The following CD8A variants were observed in gnomAD, a reference collection of about 807,000 sequenced individuals.
CD8A encodes T-cell surface glycoprotein CD8 alpha chain.
Under a neutral mutation model 24.2 loss-of-function variants are expected in CD8A, and 25 were observed. The ratio of observed to expected loss-of-function variants is 1.03; its 90% CI spans 0.75 to 1.44. The LOEUF (loss-of-function observed/expected upper bound fraction) is 1.44. Among genes scored for constraint, CD8A ranks in the 40% most tolerant of loss-of-function variants. CD8A has a pLI of 0.00. For missense variants in CD8A, 360 were observed against 319.7 expected, an observed-to-expected ratio of 1.13 and a Z score of -0.96; for synonymous variants, 165 against 149.9, an observed-to-expected ratio of 1.10 and a Z score of -0.74.
chr2:86,790,711 C>T (rs2944247), intron 1 of CD8A, 30 bp from the exon 2 acceptor site: 4 of 1,557,832 alleles, frequency 2.6e-6, no homozygotes, highest in Non-Finnish European at 3.5e-6. Flanking sequence ...AGGCTGAGCC[C>T]GCAGTCCCGC....
rs1361948225 is a variant in CD8A at position 86,785,020 on chromosome 2, C to T, written c.*900G>A. 1 of 454,066 alleles carries T rather than the reference C, an allele frequency of 2.2e-6. No homozygotes were observed. Among genetic ancestry groups the T allele is most frequent in the Admixed American group, 2.3e-5 (1 of 42,566 alleles). The allele number at this position is 454,066 out of a possible 1,614,324, so 28.1% of individuals were successfully genotyped here. The stretch of plus-strand genomic sequence containing the variant: ...AAGTATAAAAAGTCATCAGTGATCC[C>T]AGGAACATGTTTGTATCTCAAATTC... On this transcript the variant is annotated 3_prime_UTR_variant, in exon 6 of 6. Coordinates refer to ENST00000283635, the MANE Select transcript of CD8A (RefSeq NM_001768.7).
At chr2:86,805,996 A>G (rs1673841570) in intron 2 of CD8A, among the ~76,000 whole-genome samples, 1 of 151,418 alleles carries the variant, frequency 6.6e-6, no homozygotes, top group Admixed American at 6.6e-5. Context: ...TGTGTATGTG[A>G]CAATTTGTTA....
chr2:86,797,197 A>C (rs1673510688), intron 3 of CD8A, among the ~76,000 whole-genome samples: 1 of 152,166 alleles, frequency 6.6e-6, no homozygotes, highest in South Asian at 2.1e-4. Flanking sequence ...AGTTCAGAAG[A>C]GGGGTCAGGG....
intron 2 of CD8A, among the ~76,000 whole-genome samples, chr2:86,805,023 G>A (rs552516677): frequency 1.3e-5 from 2 of 151,596 alleles, no homozygotes; most frequent in Non-Finnish European, 2.9e-5. Context: ...GACTGGTCTC[G>A]AACTCCTGAC....
Position 86,789,683 on chromosome 2 carries a change from C to T in CD8A, c.471G>A (p.Leu157=). The change falls in exon 3 of 6, where the codon CTG becomes CTA. Residue 157 remains leucine, a synonymous_variant. Coordinates refer to ENST00000283635, the MANE Select transcript of CD8A (RefSeq NM_001768.7). ...TPAPTIASQP[L]SLRPEACRPA... ...GCCGGCACGCCTCTGGGCGCAGGGA[C>T]AGGGGCTGCGACGCGATGGTGGGCG... 1 of 1,439,250 alleles carries T rather than the reference C, an allele frequency of 6.9e-7. No individual in the cohort carries two copies. Among genetic ancestry groups the T allele is most frequent in the Non-Finnish European group, 9.1e-7 (1 of 1,102,304 alleles). 89.2% of individuals were successfully genotyped at this position (1,439,250 alleles called of 1,614,324 possible). A position where few individuals can be genotyped will look rare whatever the true frequency, so the allele number is the denominator to read the frequency against.
At chr2:86,787,576 T>C (rs1214922051) in intron 5 of CD8A, among the ~76,000 whole-genome samples, 1 of 152,128 alleles carries the variant, frequency 6.6e-6, no homozygotes, top group East Asian at 1.9e-4. Flanking sequence ...TTTCCTTATC[T>C]GTAAAATGCA....
chr2:86,798,490 T>C (rs921251305), intron 3 of CD8A, among the ~76,000 whole-genome samples: 7 of 151,980 alleles, frequency 4.6e-5, no homozygotes, highest in Non-Finnish European at 7.4e-5. Context: ...CACAACTTTC[T>C]TATGCTTCCC....
At position 86,785,326 on chromosome 2, in the gene CD8A, A is replaced by C. The variant is rs1268156998; in HGVS notation, c.*594T>G. On this transcript the variant is annotated 3_prime_UTR_variant, in exon 6 of 6. Transcript: ENST00000283635. ...TACATTATAGAACTCTGCCAAAGGC[A>C]GTTCTCTTCTTTAATTCATTACCTC... is the stretch of plus-strand genomic sequence containing the variant. The C allele has an allele frequency of 4.4e-6, 2 of 453,924 alleles. No homozygotes were observed. The highest frequency in any genetic ancestry group is 8.8e-6 in the Non-Finnish European group (2 of 226,824). 28.1% of individuals were successfully genotyped at this position (453,924 alleles called of 1,614,324 possible).
At chr2:86,791,440 G>C (rs551918289), upstream of CD8A, 26 of 443,948 alleles carry the variant, frequency 5.9e-5, no homozygotes, top group African/African-American at 3.4e-4. Flanking sequence ...AGCAGCCGAA[G>C]CTTTGGGTGT....
rs1467441165 is a variant in CD8A, at chr2:86,790,532, G to T, written c.199C>A (p.Pro67Thr). Residue 67 changes from proline to threonine, a missense_variant, in exon 2 of 6, where the codon CCC (proline) becomes ACC (threonine). Physicochemically the swap from Pro to Thr is conservative, Grantham distance 38. Transcript: ENST00000283635. ...LFQPRGAAAS[P>T]TFLLYLSQNK... ...TGGGAGAGGTATAGGAGGAAGGTGGGACTGGCGGCGGCGCCGCGCGGCTGG... is the reference window on the plus strand; with the variant it reads ...TGGGAGAGGTATAGGAGGAAGGTGGTACTGGCGGCGGCGCCGCGCGGCTGG... 1 of 1,613,650 alleles carries T rather than the reference G, an allele frequency of 6.2e-7. No homozygotes were observed. Among genetic ancestry groups the T allele is most frequent in the African/African-American group, 1.3e-5 (1 of 74,952 alleles).
At chr2:86,796,058 C>T (rs1673473393) in intron 3 of CD8A, among the ~76,000 whole-genome samples, 1 of 152,136 alleles carries the variant, frequency 6.6e-6, no homozygotes, top group African/African-American at 2.4e-5. Context: ...ATGATAAATA[C>T]TGAGCATACT....
rs1461062548 is a variant in CD8A, at chr2:86,785,690, TGTG to T, written c.*227_*229del. 5 of 696,572 alleles carry T rather than the reference TGTG, an allele frequency of 7.2e-6. No homozygotes were observed. The highest frequency in any genetic ancestry group is 3.5e-5 in the African/African-American group (2 of 57,138). The allele number at this position is 696,572 out of a possible 1,614,324, so 43.1% of individuals were successfully genotyped here. A position where few individuals can be genotyped will look rare whatever the true frequency, so the allele number is the denominator to read the frequency against. On this transcript the variant is annotated 3_prime_UTR_variant, in exon 6 of 6. Coordinates refer to ENST00000283635, the MANE Select transcript of CD8A (RefSeq NM_001768.7). Reference sequence around the variant, plus strand: ...TGCCCCTTTCCACGCCCTACCGCGATGTGCGCACAACAGTATTGTGACCCTTGT... The same window carrying T: ...TGCCCCTTTCCACGCCCTACCGCGATCGCACAACAGTATTGTGACCCTTGT...
chr2:86,791,165 A>G, upstream of CD8A: 2 of 558,574 alleles, frequency 3.6e-6, no homozygotes, highest in Non-Finnish European at 6.7e-6. Flanking sequence ...TGAGAGTGAC[A>G]GAGTGGGTGA....
upstream of CD8A, among the ~76,000 whole-genome samples, chr2:86,792,797 T>C (rs1216725115): frequency 6.6e-6 from 1 of 150,544 alleles, no homozygotes; most frequent in Admixed American, 6.6e-5. Flanking sequence ...TATCAGGGCC[T>C]GGATGGGCTT....
chr2:86,790,236 A>G, intron 2 of CD8A, 92 bp downstream of exon 2: 1 of 934,096 alleles, frequency 1.1e-6, no homozygotes. Flanking sequence ...CAGGTGCGCT[A>G]AGAGGCTTGA....
chr2:86,788,393 C>T (rs980487209), intron 5 of CD8A, 137 bp downstream of exon 5: 2 of 747,538 alleles, frequency 2.7e-6, no homozygotes, highest in African/African-American at 3.5e-5. Context: ...TGCTCAGGAA[C>T]TGGCTGACTC....
In CD8A at chr2:86,788,513, G is replaced by T; in HGVS notation, c.656+17C>A. ...GGGCTGGCCAAGGTGAGCAGGCTGA[G>T]TTCAAAAGAGACTCACCGGGGACAT... is the stretch of plus-strand genomic sequence containing the variant. On this transcript the variant is annotated intron_variant, in intron 5 of 5. Transcript: ENST00000283635. The T allele has an allele frequency of 6.2e-7, 1 of 1,610,530 alleles. No individual in the cohort carries two copies.
chr2:86,806,968 C>A (rs1164093801), intron 2 of CD8A, among the ~76,000 whole-genome samples: 1 of 151,646 alleles, frequency 6.6e-6, no homozygotes, highest in Non-Finnish European at 1.5e-5. Flanking sequence ...GAGAAATGAG[C>A]CTTTTTAAGA....
At chr2:86,787,884 G>GGAGAGAGAGA (rs142344123) in intron 5 of CD8A, among the ~76,000 whole-genome samples, 7 of 144,572 alleles carry the variant, frequency 4.8e-5, no homozygotes, top group African/African-American at 1.8e-4. Context: ...TAACAGAGAG[G>GGAGAGAGAGA]GAGAGAGAGA....
Sources: gnomAD v4.1 joint callset for allele counts (sites outside exome capture counted in the v4.1 genomes callset) on GRCh38, gnomAD v4.1.1 for gene constraint, MANE v1.5 for transcripts, NCBI Gene and HGNC (gene_info 2026-07-23, HGNC 2026-07-21) for gene names.